Variants in SCLT1 observed in about 807,000 individuals in gnomAD.
The protein encoded by SCLT1 is sodium channel-associated protein 1.
Under a neutral mutation model 112.8 loss-of-function variants are expected in SCLT1, and 78 were observed. The ratio of observed to expected loss-of-function variants is 0.69; its 90% CI spans 0.58 to 0.83. SCLT1 has a LOEUF of 0.83. Ranked by LOEUF, SCLT1 falls within the 40% of genes least tolerant of loss-of-function variation. The pLI, the probability that SCLT1 is intolerant of heterozygous loss-of-function variation, is 0.00. For missense variants in SCLT1, 747 were observed against 770.4 expected, an observed-to-expected ratio of 0.97 and a Z score of 0.36; for synonymous variants, 257 against 254.7, an observed-to-expected ratio of 1.01 and a Z score of -0.09.
At chr4:128,956,761 A>T (rs911420823) in intron 13 of SCLT1, among the ~76,000 whole-genome samples, 4 of 152,122 alleles carry the variant, frequency 2.6e-5, no homozygotes, top group Non-Finnish European at 5.9e-5. Flanking sequence ...AAATACAGAT[A>T]AAGAAAAAAA....
intron 9 of SCLT1, among the ~76,000 whole-genome samples, chr4:128,988,097 T>C (rs1742256613): frequency 6.6e-6 from 1 of 152,010 alleles, no homozygotes; most frequent in African/African-American, 2.4e-5. Flanking sequence ...GAAAAGGATG[T>C]TTATTAGTAA....
chr4:128,952,684 T>C, intron 14 of SCLT1, 85 bp downstream of exon 14: 1 of 828,566 alleles, frequency 1.2e-6, no homozygotes, highest in Non-Finnish European at 2.1e-6. Flanking sequence ...AAGTATCTTT[T>C]GAATGAATGA....
intron 18 of SCLT1, among the ~76,000 whole-genome samples, chr4:128,906,433 C>G (rs1477679686): frequency 6.6e-6 from 1 of 152,196 alleles, no homozygotes; most frequent in East Asian, 1.9e-4. Context: ...CTCCTGACCT[C>G]GTGATCCGCC....
At chr4:128,978,617 TGAG>T (rs1266540178) in intron 9 of SCLT1, among the ~76,000 whole-genome samples, 1 of 151,922 alleles carries the variant, frequency 6.6e-6, no homozygotes. Context: ...CAGTAATTCT[TGAG>T]GAGAAGAATA....
chr4:129,024,323 C>T (rs1316581852), intron 5 of SCLT1, among the ~76,000 whole-genome samples: 2 of 152,224 alleles, frequency 1.3e-5, no homozygotes, highest in African/African-American at 2.4e-5. Context: ...TGACACCTCA[C>T]ATGGCCGGGT....
intron 5 of SCLT1, among the ~76,000 whole-genome samples, chr4:129,028,525 C>T (rs1285039413): frequency 1.3e-5 from 2 of 151,888 alleles, no homozygotes; most frequent in South Asian, 2.1e-4. Flanking sequence ...CAAAAATTAA[C>T]TCAAGATGGA....
At chr4:129,078,703 G>A (rs1010937485) in intron 2 of SCLT1, among the ~76,000 whole-genome samples, 2 of 152,078 alleles carry the variant, frequency 1.3e-5, no homozygotes, top group Admixed American at 1.3e-4. Flanking sequence ...AAGTACTCAA[G>A]CCAACCAAAT....
chr4:129,011,742 AT>A (rs2126104983), intron 5 of SCLT1, among the ~76,000 whole-genome samples: 1 of 152,174 alleles, frequency 6.6e-6, no homozygotes, highest in East Asian at 1.9e-4. Flanking sequence ...CAGTAATTCA[AT>A]TTCCTCCTGG....
intron 2 of SCLT1, among the ~76,000 whole-genome samples, chr4:129,065,164 T>C (rs1316123333): frequency 2.0e-5 from 3 of 152,080 alleles, no homozygotes. Flanking sequence ...GGTATAGAAG[T>C]ATCAAAATTT....
intron 2 of SCLT1, among the ~76,000 whole-genome samples, chr4:129,075,478 C>T (rs1751382656): frequency 1.3e-5 from 2 of 152,126 alleles, no homozygotes; most frequent in Non-Finnish European, 2.9e-5. Flanking sequence ...ATCATCCCTT[C>T]AAGGTTTTAC....
intron 9 of SCLT1, among the ~76,000 whole-genome samples, chr4:128,989,335 C>T (rs912184529): frequency 5.9e-5 from 9 of 151,582 alleles, no homozygotes; most frequent in African/African-American, 2.2e-4. Context: ...ACTTGAAAAC[C>T]ACACAAACAA....
intron 16 of SCLT1, chr4:128,944,693 T>C (rs1188447146): frequency 6.6e-6 from 1 of 152,108 alleles, no homozygotes; most frequent in East Asian, 1.9e-4. Context: ...AAGAAAAAAG[T>C]TCATCAAATA....
At chr4:129,060,325 T>C (rs13146453) in intron 2 of SCLT1, among the ~76,000 whole-genome samples, 13,429 of 152,220 alleles carry the variant, frequency 0.088, 760 homozygotes, top group South Asian at 0.15. Flanking sequence ...TGGAAATTCA[T>C]TGATTTCCTT....
At chr4:129,033,401 A>C (rs1460392454) in intron 5 of SCLT1, among the ~76,000 whole-genome samples, 1 of 151,264 alleles carries the variant, frequency 6.6e-6, no homozygotes, top group East Asian at 1.9e-4. Flanking sequence ...GCGGGGCTTA[A>C]AACCTGGATG....
chr4:128,904,252 G>A (rs1734529416), intron 18 of SCLT1, among the ~76,000 whole-genome samples: 2 of 152,088 alleles, frequency 1.3e-5, no homozygotes, highest in Non-Finnish European at 1.5e-5. Context: ...ATCCCTTATA[G>A]TATCACTGGG....
At position 128,936,857 on chromosome 4, in the gene SCLT1, G is replaced by T; in HGVS notation, c.1633-6C>A. The stretch of plus-strand genomic sequence containing the variant: ...TCATGTTCCATTGTACTGATCTAAA[G>T]AATAAAATGAAAACGTATTTTCTTT... On this transcript the variant is annotated splice_region_variant and splice_polypyrimidine_tract_variant and intron_variant, in intron 17 of 20. Coordinates refer to ENST00000281142, the MANE Select transcript of SCLT1 (RefSeq NM_144643.4). 2.1e-6 allele frequency: 3 copies of T among 1,427,452 alleles called. No homozygotes were observed. Among genetic ancestry groups the T allele is most frequent in the Non-Finnish European group, 2.9e-6 (3 of 1,044,262 alleles). The allele number at this position is 1,427,452 out of a possible 1,614,324, so 88.4% of individuals were successfully genotyped here.
chr4:128,915,990 T>C (rs1463591778), intron 18 of SCLT1, among the ~76,000 whole-genome samples: 1 of 152,246 alleles, frequency 6.6e-6, no homozygotes, highest in Non-Finnish European at 1.5e-5. Context: ...TTCTAGCATT[T>C]AGCAGAATGC....
intron 18 of SCLT1, among the ~76,000 whole-genome samples, chr4:128,928,574 T>C (rs368770140): frequency 6.6e-6 from 1 of 151,740 alleles, no homozygotes; most frequent in African/African-American, 2.4e-5. Flanking sequence ...CTTTGCATGC[T>C]GGCTCCCAGC....
intron 14 of SCLT1, among the ~76,000 whole-genome samples, chr4:128,950,103 A>T (rs1011940079): frequency 2.0e-5 from 3 of 152,182 alleles, no homozygotes; most frequent in Non-Finnish European, 4.4e-5. Flanking sequence ...AGTGTATACA[A>T]AATGCAACAT....
Sources: gnomAD v4.1 joint callset for allele counts (sites outside exome capture counted in the v4.1 genomes callset) on GRCh38, gnomAD v4.1.1 for gene constraint, MANE v1.5 for transcripts, NCBI Gene and HGNC (gene_info 2026-07-23, HGNC 2026-07-21) for gene names.